Variants in DNM2 observed in about 807,000 individuals in gnomAD.
The protein encoded by DNM2 is dynamin 2, also known as dynamin-2.
A neutral mutation model predicts 99.0 loss-of-function variants in DNM2; 15 were observed. The ratio of observed to expected loss-of-function variants is 0.15; its 90% CI spans 0.10 to 0.23. The LOEUF is 0.23. Among genes scored for constraint, DNM2 ranks in the 10% least tolerant of loss-of-function variants. The pLI is 1.00. For synonymous variants in DNM2, 525 were observed against 481.2 expected, an observed-to-expected ratio of 1.09 and a Z score of -1.19; for missense variants, 742 against 1,189.4, an observed-to-expected ratio of 0.62 and a Z score of 5.53.
chr19:10,757,526 ACACT>A (rs1290684180), intron 1 of DNM2, among the ~76,000 whole-genome samples: 2 of 152,136 alleles, frequency 1.3e-5, no homozygotes, highest in East Asian at 3.9e-4. Flanking sequence ...AGTGCTAGTG[ACACT>A]CACTCAGGGA....
At chr19:10,799,939 G>A (rs1225863368) in intron 11 of DNM2, among the ~76,000 whole-genome samples, 1 of 151,940 alleles carries the variant, frequency 6.6e-6, no homozygotes, top group East Asian at 1.9e-4. Context: ...ACGAAGCACT[G>A]GGCCGTCCTT....
At chr19:10,808,872 C>T (rs2072445603) in intron 14 of DNM2, 1 of 397,896 alleles carries the variant, frequency 2.5e-6, no homozygotes, top group Non-Finnish European at 4.6e-6. Flanking sequence ...AATACTTACA[C>T]ACCGCCCCTG....
chr19:10,768,643 T>A (rs2070877233), intron 2 of DNM2: 1 of 152,248 alleles, frequency 6.6e-6, no homozygotes, highest in African/African-American at 2.4e-5. Context: ...AGGTGGTCCT[T>A]CCTGGGCCCG....
At position 10,831,607 on chromosome 19, in the gene DNM2, G is replaced by A. The variant is rs529286909; in HGVS notation, c.*560G>A. 2.2e-5 allele frequency: 22 copies of A among 985,988 alleles called. No individual in the cohort carries two copies. The highest frequency in any genetic ancestry group is 9.4e-5 in the South Asian group (2 of 21,292). The allele number at this position is 985,988 out of a possible 1,614,324, so 61.1% of individuals were successfully genotyped here. On this transcript the variant is annotated 3_prime_UTR_variant, in exon 21 of 21. Transcript: ENST00000389253. This position sits in a 1 kb window ranked among gnomAD's most constrained non-coding sequence, Gnocchi z 4.3. The stretch of plus-strand genomic sequence containing the variant: ...CACAGCCTGAGCCTGGCCCAGCCTC[G>A]GCTGCCAGAGGTGCCTTTGCTAGGC...
chr19:10,798,467 A>C lies in DNM2; in HGVS notation c.1336-19A>C. The C allele has an allele frequency of 6.2e-7, 1 of 1,608,802 alleles. No homozygotes were observed. Among genetic ancestry groups the C allele is most frequent in the Non-Finnish European group, 8.5e-7 (1 of 1,178,300 alleles). ...CCACGAGGACCCCGCCAATGCGACC[A>C]CTCTGCTTGTTCCCCCAGCTCAGTT... On this transcript the variant is annotated intron_variant, in intron 10 of 20. Coordinates refer to ENST00000389253, the MANE Select transcript of DNM2 (RefSeq NM_001005361.3).
At chr19:10,752,909 G>A (rs1203627722) in intron 1 of DNM2, among the ~76,000 whole-genome samples, 1 of 152,134 alleles carries the variant, frequency 6.6e-6, no homozygotes, top group East Asian at 1.9e-4. Flanking sequence ...GGACTCCATT[G>A]CACTCCAGCC....
chr19:10,793,677 G>A (rs1363731438), intron 7 of DNM2, 43 bp from the exon 8 acceptor site: 2 of 1,614,000 alleles, frequency 1.2e-6, no homozygotes, highest in Non-Finnish European at 1.7e-6. Context: ...AGAGTAGTGT[G>A]GAAACCTCCG....
intron 18 of DNM2, among the ~76,000 whole-genome samples, chr19:10,827,059 G>C (rs947559849): frequency 5.3e-5 from 8 of 152,072 alleles, no homozygotes; most frequent in Non-Finnish European, 1.2e-4. Flanking sequence ...AGACCAGCCT[G>C]GACAACATAG....
chr19:10,744,000 A>G (rs1399820323), intron 1 of DNM2, among the ~76,000 whole-genome samples: 1 of 150,274 alleles, frequency 6.7e-6, no homozygotes, highest in Non-Finnish European at 1.5e-5. Flanking sequence ...AAAAAAAAAA[A>G]TACAAAAATT....
In DNM2 at chr19:10,779,502, C is replaced by CTTTTTTTTTTTTTTTTTTTTTTTTTTTTT. The variant is rs55819116; in HGVS notation, c.688+2311_688+2312insTTTTTTTTTTTTTTTTTTTTTTTTTTTTT. ...TCTTTCTTTCTTTCTTTCTTTCTTT[C>CTTTTTTTTTTTTTTTTTTTTTTTTTTTTT]TTTTTTTTTTTTTTTTTTTTTTTTT... On this transcript the variant is annotated intron_variant, in intron 5 of 20. Transcript: ENST00000389253. Among the ~76,000 whole-genome samples, 42 of 29,632 alleles carry CTTTTTTTTTTTTTTTTTTTTTTTTTTTTT rather than the reference C, an allele frequency of 1.4e-3. 3 individuals are homozygous for CTTTTTTTTTTTTTTTTTTTTTTTTTTTTT. Among genetic ancestry groups the CTTTTTTTTTTTTTTTTTTTTTTTTTTTTT allele is most frequent in the African/African-American group, 1.7e-3 (12 of 7,186 alleles). 19.4% of individuals were successfully genotyped at this position (29,632 alleles called of 152,430 possible). A position where few individuals can be genotyped will look rare whatever the true frequency, so the allele number is the denominator to read the frequency against.
In DNM2 at chr19:10,774,728, CT is replaced by C. The variant is rs34413054; in HGVS notation, c.386-960del. 2.8e-3 allele frequency among the ~76,000 whole-genome samples: 335 copies of C among 121,404 alleles called. 1 individual carries two copies. The highest frequency in any genetic ancestry group is 8.8e-3 in the Middle Eastern group (2 of 226). 79.6% of individuals were successfully genotyped at this position (121,404 alleles called of 152,430 possible). On this transcript the variant is annotated intron_variant, in intron 3 of 20. Coordinates refer to ENST00000389253, the MANE Select transcript of DNM2 (RefSeq NM_001005361.3). Reference sequence around the variant, plus strand: ...GTGTGAGCCACTGCGTTGGCCTATGCTTTTTTTTTTTTTTTGTATGCCTCTC... The same window carrying C: ...GTGTGAGCCACTGCGTTGGCCTATGCTTTTTTTTTTTTTTGTATGCCTCTC...
chr19:10,759,913 T>C, intron 2 of DNM2, 102 bp downstream of exon 2: 4 of 1,479,712 alleles, frequency 2.7e-6, no homozygotes, highest in East Asian at 2.3e-5. Context: ...TGGGCTGTCA[T>C]TGGACATTGA....
At chr19:10,729,410 T>C (rs972098242) in intron 1 of DNM2, among the ~76,000 whole-genome samples, 9 of 152,084 alleles carry the variant, frequency 5.9e-5, no homozygotes, top group African/African-American at 2.2e-4. Context: ...GTTTGCCCTG[T>C]ACTGCATTGG....
Position 10,765,418 on chromosome 19 carries a change from G to C in DNM2, c.235+5607G>C, listed in dbSNP as rs368764431. 6.6e-6 allele frequency among the ~76,000 whole-genome samples: 1 copy of C among 152,286 alleles called. No homozygotes were observed. Among genetic ancestry groups the C allele is most frequent in the East Asian group, 1.9e-4 (1 of 5,172 alleles). Reference sequence around the variant, plus strand: ...CTGTGCCCCTTCTTGCCTACTGGGCGGGAAGTGATGGGGGTTACTTTACCA... The same window carrying C: ...CTGTGCCCCTTCTTGCCTACTGGGCCGGAAGTGATGGGGGTTACTTTACCA... On this transcript the variant is annotated intron_variant, in intron 2 of 20. Coordinates refer to ENST00000389253, the MANE Select transcript of DNM2 (RefSeq NM_001005361.3). This position sits in a 1 kb window ranked among gnomAD's most constrained non-coding sequence, Gnocchi z 4.4.
At position 10,783,588 on chromosome 19, in the gene DNM2, A is replaced by G. The variant is rs541355794; in HGVS notation, c.849+468A>G. Reference sequence around the variant, plus strand: ...CACTGTTATTATTACCAAAATTTTAATTATCATTGTAATTATTCAGTCATT... The same window carrying G: ...CACTGTTATTATTACCAAAATTTTAGTTATCATTGTAATTATTCAGTCATT... On this transcript the variant is annotated intron_variant, in intron 6 of 20. Transcript: ENST00000389253. Among the ~76,000 whole-genome samples the G allele has an allele frequency of 1.1e-4, 17 of 152,166 alleles. No homozygotes were observed. The East Asian group carries it at 3.3e-3, about 29-fold the overall frequency.
intron 1 of DNM2, among the ~76,000 whole-genome samples, chr19:10,720,255 C>T (rs1166940504): frequency 6.6e-6 from 1 of 150,612 alleles, no homozygotes; most frequent in African/African-American, 2.4e-5. Flanking sequence ...CTCTGTCATC[C>T]AGTCTGGAGT....
chr19:10,741,985 A>G (rs566880906), intron 1 of DNM2, among the ~76,000 whole-genome samples: 2 of 122,474 alleles, frequency 1.6e-5, no homozygotes, highest in East Asian at 4.6e-4. Context: ...TTTTTCCTCT[A>G]CCCTTCTTTC....
intron 2 of DNM2, among the ~76,000 whole-genome samples, chr19:10,760,709 C>T (rs77048832): frequency 0.055 from 8,319 of 151,722 alleles, 376 homozygotes; most frequent in African/African-American, 0.12. Flanking sequence ...TTCCCCAGGC[C>T]GTGCAGTGGT....
intron 11 of DNM2, 96 bp from the exon 12 acceptor site, chr19:10,802,192 C>T (rs879228573): frequency 5.1e-5 from 69 of 1,352,412 alleles, no homozygotes; most frequent in South Asian, 2.8e-4. Context: ...CTGGTTCCCA[C>T]GCCTTCCCTG....
Sources: gnomAD v4.1 joint callset for allele counts (sites outside exome capture counted in the v4.1 genomes callset) on GRCh38, gnomAD v4.1.1 for gene constraint, Gnocchi (gnomAD v3.1) non-coding constraint, MANE v1.5 for transcripts, NCBI Gene and HGNC (gene_info 2026-07-23, HGNC 2026-07-21) for gene names.